The following APBA1 variants were observed in gnomAD, a reference collection of about 807,000 sequenced individuals.
APBA1 encodes the protein amyloid beta precursor protein binding family A member 1.
A neutral mutation model predicts 86.6 loss-of-function variants in APBA1; 55 were observed. That is an observed-to-expected ratio of 0.64 (90% confidence interval 0.51 to 0.80). The LOEUF is 0.80. Ranked by LOEUF, APBA1 falls within the 30% of genes least tolerant of loss-of-function variation. APBA1 has a pLI of 0.00. For synonymous variants in APBA1, 511 were observed against 493.9 expected, an observed-to-expected ratio of 1.03 and a Z score of -0.46; for missense variants, 1,090 against 1,183.0, an observed-to-expected ratio of 0.92 and a Z score of 1.15.
At chr9:69,545,535 C>T (rs563296272) in intron 1 of APBA1, among the ~76,000 whole-genome samples, 3 of 152,322 alleles carry the variant, frequency 2.0e-5, no homozygotes, top group Non-Finnish European at 4.4e-5. Flanking sequence ...GAGACACCTG[C>T]TAACTCACGG....
At chr9:69,583,646 T>G (rs912111941) in intron 1 of APBA1, among the ~76,000 whole-genome samples, 1 of 152,258 alleles carries the variant, frequency 6.6e-6, no homozygotes, top group Non-Finnish European at 1.5e-5. Context: ...AAAAGAGATT[T>G]CTAATTATAC....
chr9:69,639,992 C>T (rs1026675834), intron 1 of APBA1, among the ~76,000 whole-genome samples: 1 of 151,992 alleles, frequency 6.6e-6, no homozygotes, highest in Non-Finnish European at 1.5e-5. Flanking sequence ...AATGACAGTA[C>T]AGGGGACAAT....
intron 1 of APBA1, among the ~76,000 whole-genome samples, chr9:69,580,458 T>C (rs1821892135): frequency 6.6e-6 from 1 of 152,148 alleles, no homozygotes. Flanking sequence ...GAAAGGAAGA[T>C]GGACTTTGCC....
In APBA1 at chr9:69,516,578, G is replaced by C. The variant is rs770991599; in HGVS notation, c.633C>G (p.Asp211Glu). The C allele has an allele frequency of 6.2e-7, 1 of 1,601,550 alleles. No individual in the cohort carries two copies. Among genetic ancestry groups the C allele is most frequent in the Non-Finnish European group, 8.5e-7 (1 of 1,178,894 alleles). The change falls in exon 2 of 13, where the codon GAC (aspartate) becomes GAG (glutamate). Residue 211 changes from aspartate (D) to glutamate (E), a missense_variant. Asp to Glu is a conservative substitution (Grantham distance 45). This residue lies in a region of APBA1 where 678 missense variants were observed against 647.1 expected (regional missense o/e 1.05). Coordinates refer to ENST00000265381, the MANE Select transcript of APBA1 (RefSeq NM_001163.4). The surrounding 1 kb of genome is among the most constrained non-coding windows in gnomAD (Gnocchi z 7.3). ...GCTCCTGCTCGTAGAGCCGCAGGCC[G>C]TCGCGTGCGTCCAGCTCGGGCGCGT... The part of the protein sequence containing the change: ...IGDAPELDAR[D>E]GLRLYEQERD...
chr9:69,465,477 GT>G (rs1835262720), intron 5 of APBA1: 3 of 152,234 alleles, frequency 2.0e-5, no homozygotes, highest in Non-Finnish European at 4.4e-5. Context: ...TCTCTGAGAG[GT>G]TTGTGGGTTG....
chr9:69,670,438 A>G (rs1823924588), intron 1 of APBA1, among the ~76,000 whole-genome samples: 1 of 152,212 alleles, frequency 6.6e-6, no homozygotes, highest in Non-Finnish European at 1.5e-5. Flanking sequence ...GGATTCCGAC[A>G]ATGCAGTAGA....
intron 1 of APBA1, among the ~76,000 whole-genome samples, chr9:69,545,982 C>A (rs1225119058): frequency 6.6e-6 from 1 of 152,112 alleles, no homozygotes; most frequent in Non-Finnish European, 1.5e-5. Context: ...AGAGGGAAAA[C>A]ACTTTTTTAT....
intron 1 of APBA1, among the ~76,000 whole-genome samples, chr9:69,635,936 T>A (rs755404728): frequency 1.3e-5 from 2 of 152,258 alleles, no homozygotes; most frequent in East Asian, 3.9e-4. Flanking sequence ...AAAAAGCTTC[T>A]GTACAGCAAA....
chr9:69,582,543 A>G (rs1182415080), intron 1 of APBA1, among the ~76,000 whole-genome samples: 1 of 151,970 alleles, frequency 6.6e-6, no homozygotes, highest in East Asian at 1.9e-4. Flanking sequence ...CCACCTCCCC[A>G]GTTTCTTCTA....
At chr9:69,552,723 T>C (rs1035683580) in intron 1 of APBA1, among the ~76,000 whole-genome samples, 1 of 152,218 alleles carries the variant, frequency 6.6e-6, no homozygotes, top group African/African-American at 2.4e-5. Flanking sequence ...AATTCATTCA[T>C]GTACAGGAAG....
At chr9:69,613,488 C>G (rs1822634382) in intron 1 of APBA1, among the ~76,000 whole-genome samples, 1 of 152,146 alleles carries the variant, frequency 6.6e-6, no homozygotes, top group African/African-American at 2.4e-5. Flanking sequence ...TTTGCTGTAT[C>G]TTGCTGCACG....
chr9:69,598,845 G>C (rs1438753318), intron 1 of APBA1, among the ~76,000 whole-genome samples: 1 of 152,188 alleles, frequency 6.6e-6, no homozygotes, highest in Non-Finnish European at 1.5e-5. Flanking sequence ...CAAGGATCAA[G>C]CTTTCTAACT....
intron 1 of APBA1, among the ~76,000 whole-genome samples, chr9:69,589,573 C>T (rs1822088356): frequency 1.3e-5 from 2 of 152,156 alleles, no homozygotes; most frequent in Admixed American, 1.3e-4. Context: ...CAGTACCCAG[C>T]TTTCATTCAG....
intron 1 of APBA1, among the ~76,000 whole-genome samples, chr9:69,648,819 T>G (rs1823439886): frequency 6.6e-6 from 1 of 152,190 alleles, no homozygotes; most frequent in Non-Finnish European, 1.5e-5. Context: ...AGAACTCCCC[T>G]TTGAATTTGA....
intron 1 of APBA1, among the ~76,000 whole-genome samples, chr9:69,665,394 C>G (rs1022641883): frequency 2.0e-5 from 3 of 152,206 alleles, no homozygotes; most frequent in Non-Finnish European, 4.4e-5. Flanking sequence ...GGTCTGCATG[C>G]ATAAACTGCT....
At chr9:69,524,187 GAACA>G (rs1397570058) in intron 1 of APBA1, among the ~76,000 whole-genome samples, 1 of 151,812 alleles carries the variant, frequency 6.6e-6, no homozygotes, top group Non-Finnish European at 1.5e-5. Context: ...AGAAAAACAA[GAACA>G]AACTAACCCC....
At chr9:69,453,128 GT>G (rs768435686) in intron 8 of APBA1, among the ~76,000 whole-genome samples, 1 of 152,120 alleles carries the variant, frequency 6.6e-6, no homozygotes, top group Non-Finnish European at 1.5e-5. Context: ...TTTTATTTTA[GT>G]TTGCTTTCCA....
intron 2 of APBA1, among the ~76,000 whole-genome samples, chr9:69,483,333 G>T (rs1170354591): frequency 2.6e-5 from 4 of 152,002 alleles, no homozygotes; most frequent in African/African-American, 7.2e-5. Flanking sequence ...AGCAAAGGAA[G>T]CAAAATAACC....
intron 5 of APBA1, among the ~76,000 whole-genome samples, 200 bp from the exon 6 acceptor site, chr9:69,458,388 G>A (rs1835135157): frequency 6.6e-6 from 1 of 152,250 alleles, no homozygotes; most frequent in Non-Finnish European, 1.5e-5. Flanking sequence ...AAGTGGTGAA[G>A]TGAGACAAAG....
Sources: gnomAD v4.1 joint callset for allele counts (sites outside exome capture counted in the v4.1 genomes callset) on GRCh38, gnomAD v4.1.1 for gene constraint, gnomAD v4.1.1 regional missense constraint, Gnocchi (gnomAD v3.1) non-coding constraint, MANE v1.5 for transcripts, NCBI Gene and HGNC (gene_info 2026-07-23, HGNC 2026-07-21) for gene names.